The following ERAP1 variants were observed in gnomAD, a reference collection of about 807,000 sequenced individuals.
ERAP1 encodes the protein adipocyte-derived leucine aminopeptidase.
ERAP1 carries 86 observed loss-of-function variants against 103.7 expected under a neutral mutation model. The observed-to-expected ratio is 0.83, with a 90% CI of 0.70 to 0.99. ERAP1 has a LOEUF of 0.99. Ranked by LOEUF, ERAP1 falls within the 50% of genes least tolerant of loss-of-function variation. The probability of loss-of-function intolerance (pLI) is 0.00; values close to 1 mark genes in which losing one functional copy is unlikely to be tolerated. For synonymous variants in ERAP1, 398 were observed against 402.4 expected (o/e 0.99, Z 0.13); for missense variants, 1,009 against 1,128.4 (o/e 0.89, Z 1.52).
the ERAP1 span, among the ~76,000 whole-genome samples, chr5:96,865,043 T>C: frequency 0.088 from 13,351 of 152,214 alleles, 686 homozygotes; most frequent in Middle Eastern, 0.15. Context: ...TTTGTATGCA[T>C]TCTTCCTAGA....
Position 96,775,960 on chromosome 5 carries a change from G to A in ERAP1, c.*436C>T. 1 of 1,045,210 alleles carries A rather than the reference G, an allele frequency of 9.6e-7. No homozygotes were observed. Among genetic ancestry groups the A allele is most frequent in the Non-Finnish European group, 1.2e-6 (1 of 863,544 alleles). 64.7% of individuals were successfully genotyped at this position (1,045,210 alleles called of 1,614,324 possible). A position where few individuals can be genotyped will look rare whatever the true frequency, so the allele number is the denominator to read the frequency against. On this transcript the variant is annotated 3_prime_UTR_variant, in exon 19 of 19. Coordinates refer to ENST00000443439, the MANE Select transcript of ERAP1 (RefSeq NM_001040458.3). ...GCGGGTCTGGAGGGGTGAGCCGGGA[G>A]AGCTTTAACCCAGTCATCGTCCGGC...
intron 2 of ERAP1, 150 bp from the exon 3 acceptor site, chr5:96,801,150 A>T (rs1260191846): frequency 2.2e-6 from 2 of 894,796 alleles, no homozygotes; most frequent in East Asian, 5.3e-5. Flanking sequence ...TCATAAACTA[A>T]GTTAAAAGAC....
the ERAP1 span, among the ~76,000 whole-genome samples, chr5:96,829,951 T>G: frequency 6.6e-6 from 1 of 152,166 alleles, no homozygotes; most frequent in Non-Finnish European, 1.5e-5. Flanking sequence ...GAACCAACTT[T>G]CCCTCTGACA....
Position 96,776,205 on chromosome 5 carries a change from C to G in ERAP1, c.*191G>C. On this transcript the variant is annotated 3_prime_UTR_variant, in exon 19 of 19. Transcript: ENST00000443439. ...GTTGCAGGGCAACACCTGTGATGAA[C>G]AAAACACATGGTAGCGATAGCCCAT... 8.1e-7 allele frequency: 1 copy of G among 1,227,098 alleles called. No individual in the cohort carries two copies. Among genetic ancestry groups the G allele is most frequent in the East Asian group, 2.6e-5 (1 of 38,396 alleles). 76.0% of individuals were successfully genotyped at this position (1,227,098 alleles called of 1,614,324 possible).
chr5:96,892,276 G>C, the ERAP1 span: 1 of 1,612,608 alleles, frequency 6.2e-7, no homozygotes, highest in Non-Finnish European at 8.5e-7. Flanking sequence ...TAAAACTCAA[G>C]TATGGTTGTT....
At chr5:96,820,758 A>T in the ERAP1 span, among the ~76,000 whole-genome samples, 119 of 152,186 alleles carry the variant, frequency 7.8e-4, no homozygotes, top group African/African-American at 2.7e-3. Context: ...ATTGTCTGTA[A>T]CCTCTTCTTT....
chr5:96,927,484 CT>C, the ERAP1 span, among the ~76,000 whole-genome samples: 77 of 147,374 alleles, frequency 5.2e-4, no homozygotes, highest in Non-Finnish European at 5.3e-4. Flanking sequence ...TCCTTTGCTA[CT>C]TTTTTTTTTT....
At chr5:96,863,790 A>G in the ERAP1 span, among the ~76,000 whole-genome samples, 13,642 of 152,080 alleles carry the variant, frequency 0.09, 740 homozygotes, top group Non-Finnish European at 0.12. Flanking sequence ...AGTCACGTCT[A>G]CCACTCCTCT....
At chr5:96,891,543 C>T in the ERAP1 span, among the ~76,000 whole-genome samples, 2,723 of 139,000 alleles carry the variant, frequency 0.02, 63 homozygotes, top group African/African-American at 0.045. Flanking sequence ...TATACACACA[C>T]ACACACACAC....
intron 8 of ERAP1, 88 bp from the exon 9 acceptor site, chr5:96,790,731 C>A: frequency 7.7e-7 from 1 of 1,297,910 alleles, no homozygotes. Flanking sequence ...AAACACATTT[C>A]TTTGAAAACG....
chr5:96,831,580 T>C, the ERAP1 span, among the ~76,000 whole-genome samples: 1 of 152,196 alleles, frequency 6.6e-6, no homozygotes, highest in African/African-American at 2.4e-5. Flanking sequence ...AAAGCTACTT[T>C]CCTCCCAGGT....
chr5:96,770,435 G>C, downstream of ERAP1: 1 of 700,902 alleles, frequency 1.4e-6, no homozygotes, highest in South Asian at 1.7e-5. Flanking sequence ...TTAAATTGGA[G>C]ATCTCAGAAT....
chr5:96,909,753 T>G, the ERAP1 span: 3 of 1,613,946 alleles, frequency 1.9e-6, no homozygotes, highest in Non-Finnish European at 2.5e-6. Context: ...TGGAATCCAG[T>G]GGAAAATTAA....
rs752722843 is a variant in ERAP1 at position 96,776,238 on chromosome 5, AAACT to A, written c.*154_*157del. The stretch of plus-strand genomic sequence containing the variant: ...ATGGTAGCGATAGCCCATTCATGAA[AAACT>A]AACAGCTATTCTTTTCACAGGGATA... On this transcript the variant is annotated 3_prime_UTR_variant, in exon 19 of 19. Transcript: ENST00000443439. 4.0e-6 allele frequency: 6 copies of A among 1,502,956 alleles called. No individual in the cohort carries two copies. The highest frequency in any genetic ancestry group is 1.4e-5 in the African/African-American group (1 of 71,280). 93.1% of individuals were successfully genotyped at this position (1,502,956 alleles called of 1,614,324 possible).
chr5:96,771,597 T>TTA (rs761204417), downstream of ERAP1: 27 of 1,534,338 alleles, frequency 1.8e-5, no homozygotes, highest in Non-Finnish European at 2.3e-5. Flanking sequence ...CTCCTCATAC[T>TTA]TAATACAGAA....
chr5:96,835,633 T>C, the ERAP1 span, among the ~76,000 whole-genome samples: 1 of 152,226 alleles, frequency 6.6e-6, no homozygotes, highest in African/African-American at 2.4e-5. Flanking sequence ...AGTCTAAGTT[T>C]ACAGTGTGTT....
At chr5:96,849,577 C>T in the ERAP1 span, among the ~76,000 whole-genome samples, 1 of 152,012 alleles carries the variant, frequency 6.6e-6, no homozygotes, top group African/African-American at 2.4e-5. Context: ...GCATACTGAA[C>T]ACCATAAAAC....
the ERAP1 span, among the ~76,000 whole-genome samples, chr5:96,850,729 C>G: frequency 6.6e-6 from 1 of 151,836 alleles, no homozygotes; most frequent in Non-Finnish European, 1.5e-5. Flanking sequence ...CACATTATAC[C>G]CCATAAATAT....
chr5:96,853,412 C>G, the ERAP1 span, among the ~76,000 whole-genome samples: 1 of 152,060 alleles, frequency 6.6e-6, no homozygotes, highest in African/African-American at 2.4e-5. Flanking sequence ...ACAGAGAGGC[C>G]AAACCTGCCT....
Sources: allele counts gnomAD v4.1 joint callset (sites outside exome capture counted in the v4.1 genomes callset), GRCh38; gene constraint gnomAD v4.1.1; transcripts MANE v1.5; gene names NCBI Gene and HGNC (gene_info 2026-07-23, HGNC 2026-07-21).